The following NR3C2 variants were observed in gnomAD, a reference collection of about 807,000 sequenced individuals.
The protein encoded by NR3C2 is mineralocorticoid receptor.
NR3C2 carries 15 observed loss-of-function variants against 86.4 expected under a neutral mutation model. The observed-to-expected ratio is 0.17, with a 90% CI of 0.12 to 0.27. NR3C2 has a LOEUF of 0.27. Among genes scored for constraint, NR3C2 ranks in the 10% least tolerant of loss-of-function variants. The pLI is 1.00. For synonymous variants in NR3C2, 458 were observed against 450.5 expected, an observed-to-expected ratio of 1.02 and a Z score of -0.21; for missense variants, 960 against 1,195.6, an observed-to-expected ratio of 0.80 and a Z score of 2.91.
At chr4:148,379,637 A>G (rs1240868942) in intron 2 of NR3C2, among the ~76,000 whole-genome samples, 1 of 152,224 alleles carries the variant, frequency 6.6e-6, no homozygotes, top group East Asian at 1.9e-4. Context: ...CAATTTTGAA[A>G]TGAGAGAAAA....
chr4:148,165,191 C>G (rs1734825604), intron 4 of NR3C2, among the ~76,000 whole-genome samples: 1 of 152,166 alleles, frequency 6.6e-6, no homozygotes. Context: ...CTTTTTAGGG[C>G]TGTTTCAATT....
chr4:148,192,827 T>C (rs2356393), intron 4 of NR3C2, among the ~76,000 whole-genome samples: 112,417 of 151,774 alleles, frequency 0.74, 42,714 homozygotes, highest in African/African-American at 0.92. Flanking sequence ...TCACTCCCAC[T>C]GAGCCACCCC....
chr4:148,298,447 A>G (rs766887575), intron 2 of NR3C2, among the ~76,000 whole-genome samples: 6 of 152,224 alleles, frequency 3.9e-5, no homozygotes, highest in Non-Finnish European at 5.9e-5. Flanking sequence ...TATTTTTAGA[A>G]TTGATAGGTT....
intron 3 of NR3C2, among the ~76,000 whole-genome samples, chr4:148,247,217 C>T (rs1739359880): frequency 6.6e-6 from 1 of 152,166 alleles, no homozygotes; most frequent in East Asian, 1.9e-4. Context: ...TTTCAAGTAA[C>T]TTTAAAAATG....
chr4:148,167,193 C>T (rs1734918550), intron 4 of NR3C2, among the ~76,000 whole-genome samples: 1 of 152,176 alleles, frequency 6.6e-6, no homozygotes, highest in South Asian at 2.1e-4. Context: ...ACAAGCCGCT[C>T]CTGGGTCACA....
At chr4:148,105,519 C>T (rs192285618) in intron 8 of NR3C2, among the ~76,000 whole-genome samples, 182 of 152,298 alleles carry the variant, frequency 1.2e-3, no homozygotes, top group African/African-American at 4.1e-3. Flanking sequence ...CTCTGTAACT[C>T]ATTTTTATGA....
At chr4:148,361,443 A>G (rs1745830903) in intron 2 of NR3C2, among the ~76,000 whole-genome samples, 1 of 152,242 alleles carries the variant, frequency 6.6e-6, no homozygotes, top group African/African-American at 2.4e-5. Flanking sequence ...AAGCCAAAGA[A>G]TGAGACTGCC....
intron 3 of NR3C2, among the ~76,000 whole-genome samples, chr4:148,213,241 G>C (rs1467726010): frequency 6.6e-6 from 1 of 152,030 alleles, no homozygotes; most frequent in African/African-American, 2.4e-5. Flanking sequence ...ACTCAGGATA[G>C]ACTGATTAAA....
intron 3 of NR3C2, among the ~76,000 whole-genome samples, chr4:148,237,683 T>C (rs1020011075): frequency 6.6e-6 from 1 of 151,696 alleles, no homozygotes; most frequent in Non-Finnish European, 1.5e-5. Context: ...TTTTTTTTTT[T>C]TTTGGAAGCC....
chr4:148,405,589 T>G (rs1748380931), intron 2 of NR3C2, among the ~76,000 whole-genome samples: 1 of 152,244 alleles, frequency 6.6e-6, no homozygotes, highest in South Asian at 2.1e-4. Flanking sequence ...TTACCCACAC[T>G]AAGAACTGGC....
At chr4:148,146,210 T>C (rs556953438) in intron 6 of NR3C2, among the ~76,000 whole-genome samples, 2 of 152,102 alleles carry the variant, frequency 1.3e-5, no homozygotes, top group Non-Finnish European at 2.9e-5. Context: ...TCGCTGGCCC[T>C]AACCCTGATG....
At chr4:148,326,871 T>G (rs1360013804) in intron 2 of NR3C2, among the ~76,000 whole-genome samples, 2 of 152,182 alleles carry the variant, frequency 1.3e-5, no homozygotes, top group Non-Finnish European at 2.9e-5. Flanking sequence ...CCCAAAAAAT[T>G]AATCTGCTGT....
intron 2 of NR3C2, among the ~76,000 whole-genome samples, chr4:148,261,385 G>GC (rs35659747): frequency 0.58 from 85,295 of 146,894 alleles, 25,297 homozygotes; most frequent in East Asian, 0.85. Flanking sequence ...TATGGTCAGT[G>GC]TATGGTGCGC....
chr4:148,260,933 T>A (rs1013573277), intron 2 of NR3C2, among the ~76,000 whole-genome samples: 7 of 152,238 alleles, frequency 4.6e-5, no homozygotes, highest in African/African-American at 7.2e-5. Context: ...TTTTAACTTC[T>A]GATAAGGAAT....
At chr4:148,182,501 T>C (rs1449931022) in intron 4 of NR3C2, among the ~76,000 whole-genome samples, 1 of 152,256 alleles carries the variant, frequency 6.6e-6, no homozygotes. Context: ...ACTCACCTAC[T>C]TTTTTAAAGG....
At chr4:148,395,142 AT>A (rs201783295) in intron 2 of NR3C2, among the ~76,000 whole-genome samples, 2,669 of 152,270 alleles carry the variant, frequency 0.018, 79 homozygotes, top group African/African-American at 0.06. Flanking sequence ...ACGTGTGTGT[AT>A]GTGTGGAGAG....
At chr4:148,134,728 A>C (rs751694575) in intron 6 of NR3C2, among the ~76,000 whole-genome samples, 13 of 145,184 alleles carry the variant, frequency 9.0e-5, no homozygotes, top group Non-Finnish European at 1.6e-4. Context: ...GGCTCACTGC[A>C]ACCTGTGCCT....
chr4:148,149,508 A>G (rs1340122166), intron 6 of NR3C2, among the ~76,000 whole-genome samples: 1 of 152,214 alleles, frequency 6.6e-6, no homozygotes. Context: ...ACAAACAATT[A>G]AAAAGTAATA....
intron 2 of NR3C2, among the ~76,000 whole-genome samples, chr4:148,266,839 G>C (rs1740420585): frequency 6.6e-6 from 1 of 152,216 alleles, no homozygotes; most frequent in African/African-American, 2.4e-5. Flanking sequence ...AAGTGGTAAA[G>C]ACAGTGAGAA....
Sources: allele counts gnomAD v4.1 joint callset (sites outside exome capture counted in the v4.1 genomes callset), GRCh38; gene constraint gnomAD v4.1.1; transcripts MANE v1.5; gene names NCBI Gene and HGNC (gene_info 2026-07-23, HGNC 2026-07-21).